ARHGAP26: variants seen among roughly 807,000 people sequenced by gnomAD.
The protein encoded by ARHGAP26 is Rho GTPase activating protein 26, also known as rho GTPase-activating protein 26.
ARHGAP26 carries 38 observed loss-of-function variants against 104.8 expected under a neutral mutation model. The ratio of observed to expected loss-of-function variants is 0.36; its 90% CI spans 0.28 to 0.48. The LOEUF is 0.48. Ranked by LOEUF, ARHGAP26 falls within the 20% of genes least tolerant of loss-of-function variation. ARHGAP26 has a pLI of 0.99. For missense variants in ARHGAP26, 704 were observed against 947.9 expected (o/e 0.74, Z 3.38); for synonymous variants, 341 against 340.0 (o/e 1.00, Z -0.03).
intron 6 of ARHGAP26, among the ~76,000 whole-genome samples, chr5:142,899,892 A>G (rs144246533): frequency 4.6e-5 from 7 of 152,360 alleles, no homozygotes; most frequent in Non-Finnish European, 1.0e-4. Context: ...ACTTGCGGGT[A>G]TGCCCAGGTG....
At chr5:143,135,939 G>A (rs1258084287) in intron 19 of ARHGAP26, among the ~76,000 whole-genome samples, 1 of 152,178 alleles carries the variant, frequency 6.6e-6, no homozygotes, top group Non-Finnish European at 1.5e-5. Flanking sequence ...GGAACACTTG[G>A]AACAGAACTG....
chr5:143,019,686 A>C (rs1780061802), intron 12 of ARHGAP26, among the ~76,000 whole-genome samples: 1 of 152,234 alleles, frequency 6.6e-6, no homozygotes, highest in Non-Finnish European at 1.5e-5. Context: ...GAGTAAGAGA[A>C]GGGCAGGCTC....
At chr5:143,150,182 G>T (rs1799650039) in intron 20 of ARHGAP26, among the ~76,000 whole-genome samples, 2 of 152,192 alleles carry the variant, frequency 1.3e-5, no homozygotes, top group African/African-American at 4.8e-5. Flanking sequence ...AAGAACAAAG[G>T]ACAATTGGTA....
chr5:142,853,667 C>T (rs1751907100), intron 1 of ARHGAP26, among the ~76,000 whole-genome samples: 1 of 152,182 alleles, frequency 6.6e-6, no homozygotes, highest in African/African-American at 2.4e-5. Context: ...GGGGCTAGCA[C>T]AGAGTAAGCT....
chr5:142,991,497 T>C (rs1775607757), intron 11 of ARHGAP26, among the ~76,000 whole-genome samples: 1 of 152,122 alleles, frequency 6.6e-6, no homozygotes, highest in African/African-American at 2.4e-5. Context: ...ATGAACCCAC[T>C]ACCTCAGCTG....
At chr5:143,124,713 C>CA (rs1796526984) in intron 18 of ARHGAP26, among the ~76,000 whole-genome samples, 2 of 152,168 alleles carry the variant, frequency 1.3e-5, no homozygotes, top group African/African-American at 4.8e-5. Context: ...TTCTGTTGGC[C>CA]AAAGCAAGTC....
intron 11 of ARHGAP26, among the ~76,000 whole-genome samples, chr5:142,942,927 G>A (rs758815294): frequency 2.0e-5 from 3 of 152,122 alleles, no homozygotes; most frequent in Non-Finnish European, 2.9e-5. Context: ...TTACAGGCAC[G>A]TGCCACCACA....
chr5:143,180,829 CA>C (rs1804228999), intron 20 of ARHGAP26, among the ~76,000 whole-genome samples: 1 of 152,134 alleles, frequency 6.6e-6, no homozygotes, highest in African/African-American at 2.4e-5. Flanking sequence ...ATATCAATGC[CA>C]AAAACCATAT....
intron 17 of ARHGAP26, among the ~76,000 whole-genome samples, chr5:143,067,656 C>T (rs1413145466): frequency 5.9e-5 from 9 of 152,046 alleles, no homozygotes; most frequent in African/African-American, 1.7e-4. Context: ...CTTCAGTAGG[C>T]GGTAAAGGAA....
Position 143,057,642 on chromosome 5 carries a change from A to G in ARHGAP26, c.1433A>G (p.Lys478Arg). 6.2e-7 allele frequency: 1 copy of G among 1,613,452 alleles called. No individual in the cohort carries two copies. Among genetic ancestry groups the G allele is most frequent in the Non-Finnish European group, 8.5e-7 (1 of 1,179,514 alleles). ...TATTACCTCCCTCCTTCCTTTGCAG[A>G]ACTGGAGAACCAGGAGTCTCGGGTC... is the stretch of plus-strand genomic sequence containing the variant. ...QFQRSFIKAA[K>R]LENQESRVSE... Residue 478 changes from lysine (K) to arginine (R), a missense_variant and splice_region_variant, in exon 17 of 23, where the codon AAA (lysine) becomes AGA (arginine). Physicochemically the swap from Lys to Arg is conservative, Grantham distance 26 (BLOSUM62 2). Transcript: ENST00000645722.
In ARHGAP26 at chr5:143,075,880, G is replaced by A. The variant is rs548169507; in HGVS notation, c.1538+18133G>A. Among the ~76,000 whole-genome samples, 10 of 151,608 alleles carry A rather than the reference G, an allele frequency of 6.6e-5. 1 individual carries two copies. The South Asian group carries it at 2.1e-3, about 32-fold the overall frequency. On this transcript the variant is annotated intron_variant, in intron 17 of 22. Transcript: ENST00000645722. ...GGCCCAGCTAATTTTTGTATTTTTTGTAGAGATGGGGTTTTACCATGTTGC... is the reference window on the plus strand; with the variant it reads ...GGCCCAGCTAATTTTTGTATTTTTTATAGAGATGGGGTTTTACCATGTTGC...
chr5:143,057,460 C>T (rs1785991257), intron 16 of ARHGAP26, among the ~76,000 whole-genome samples, 182 bp from the exon 17 acceptor site: 1 of 152,104 alleles, frequency 6.6e-6, no homozygotes, highest in Non-Finnish European at 1.5e-5. Context: ...CAGAAAGCAC[C>T]ATTAAAAGGA....
chr5:142,963,955 G>C (rs1459040485), intron 11 of ARHGAP26, among the ~76,000 whole-genome samples: 1 of 152,180 alleles, frequency 6.6e-6, no homozygotes, highest in African/African-American at 2.4e-5. Context: ...CAGAATTCAC[G>C]AGAAAGCAAA....
intron 17 of ARHGAP26, 27 bp from the exon 18 acceptor site, chr5:143,120,961 G>A: frequency 6.2e-7 from 1 of 1,604,972 alleles, no homozygotes; most frequent in Non-Finnish European, 8.5e-7. Context: ...TTGTCTCATT[G>A]GTACCTTTTC....
At position 142,991,359 on chromosome 5, in the gene ARHGAP26, G is replaced by A. The variant is rs529860001; in HGVS notation, c.1108-22721G>A. Among the ~76,000 whole-genome samples, 16 of 152,288 alleles carry A rather than the reference G, an allele frequency of 1.1e-4. No individual in the cohort carries two copies. In the South Asian group the frequency reaches 3.3e-3, roughly 32 times the overall value. On this transcript the variant is annotated intron_variant, in intron 11 of 22. Coordinates refer to ENST00000645722, the MANE Select transcript of ARHGAP26 (RefSeq NM_001135608.3). ...TGTCTCGATTTTCCAGGTACCATCTGTCACAGCTTCCCTTGGCCAGGAAAG... is the reference window on the plus strand; with the variant it reads ...TGTCTCGATTTTCCAGGTACCATCTATCACAGCTTCCCTTGGCCAGGAAAG...
chr5:143,180,636 C>A (rs11167805), intron 20 of ARHGAP26, among the ~76,000 whole-genome samples: 3 of 152,020 alleles, frequency 2.0e-5, no homozygotes, highest in Non-Finnish European at 4.4e-5. Context: ...TCTTATATGG[C>A]GGCAGGCTAG....
chr5:142,974,761 C>A (rs1173414725), intron 11 of ARHGAP26, among the ~76,000 whole-genome samples: 2 of 152,170 alleles, frequency 1.3e-5, no homozygotes, highest in East Asian at 3.9e-4. Flanking sequence ...GAAAGTGATA[C>A]ATTTTTGGAA....
intron 18 of ARHGAP26, among the ~76,000 whole-genome samples, chr5:143,126,473 GGAAGCT>G: frequency 6.6e-6 from 1 of 152,138 alleles, no homozygotes; most frequent in Non-Finnish European, 1.5e-5. Flanking sequence ...AGACATCCTT[GGAAGCT>G]GAACCAAATA....
intron 17 of ARHGAP26, among the ~76,000 whole-genome samples, chr5:143,086,625 A>T (rs1351227603): frequency 1.3e-5 from 2 of 152,186 alleles, no homozygotes; most frequent in African/African-American, 4.8e-5. Flanking sequence ...TGAAATGCTC[A>T]CTGCTCTAGG....
Sources: gnomAD v4.1 joint callset for allele counts (sites outside exome capture counted in the v4.1 genomes callset) on GRCh38, gnomAD v4.1.1 for gene constraint, MANE v1.5 for transcripts, NCBI Gene and HGNC (gene_info 2026-07-23, HGNC 2026-07-21) for gene names.